The following RSPH14 variants were observed in gnomAD, a reference collection of about 807,000 sequenced individuals.
RSPH14 encodes the protein rhabdoid tumor deletion region gene 1.
A neutral mutation model predicts 26.7 loss-of-function variants in RSPH14; 20 were observed. The observed-to-expected ratio is 0.75, with a 90% CI of 0.53 to 1.09. The LOEUF (loss-of-function observed/expected upper bound fraction) is 1.09. RSPH14 is among the 50% of genes least tolerant of loss of function. The pLI, the probability that RSPH14 is intolerant of heterozygous loss-of-function variation, is 0.00. For synonymous variants in RSPH14, 177 were observed against 189.3 expected, an observed-to-expected ratio of 0.93 and a Z score of 0.53; for missense variants, 449 against 457.2, an observed-to-expected ratio of 0.98 and a Z score of 0.16.
chr22:23,149,673 G>A (rs2070992615), upstream of RSPH14, among the ~76,000 whole-genome samples: 1 of 152,174 alleles, frequency 6.6e-6, no homozygotes, highest in Non-Finnish European at 1.5e-5. Context: ...CAGTATCTAG[G>A]ACCACAGGCA....
At chr22:23,109,687 A>G (rs978320599) in intron 4 of RSPH14, among the ~76,000 whole-genome samples, 4 of 152,210 alleles carry the variant, frequency 2.6e-5, no homozygotes, top group African/African-American at 7.2e-5. Flanking sequence ...CTCCCTCAGC[A>G]TCTCAGATGC....
At chr22:23,163,914 T>C in the RSPH14 span, 1 of 152,242 alleles carries the variant, frequency 6.6e-6, no homozygotes, top group African/African-American at 2.4e-5. Flanking sequence ...CCAGTTTTCA[T>C]GTGGATGGAT....
chr22:23,175,683 G>T, the RSPH14 span, among the ~76,000 whole-genome samples: 1 of 152,210 alleles, frequency 6.6e-6, no homozygotes, highest in Non-Finnish European at 1.5e-5. Flanking sequence ...ACTGCTCATA[G>T]ACAGCTGTGG....
At chr22:23,095,052 A>G (rs890227539) in intron 4 of RSPH14, among the ~76,000 whole-genome samples, 1 of 152,214 alleles carries the variant, frequency 6.6e-6, no homozygotes, top group Non-Finnish European at 1.5e-5. Flanking sequence ...TGTCCAGGCA[A>G]CAGCAGACAT....
At chr22:23,096,469 C>T in intron 4 of RSPH14, 1 of 1,550,234 alleles carries the variant, frequency 6.5e-7, no homozygotes, top group East Asian at 2.2e-5. Context: ...TCGTGGGTTC[C>T]TGGAAGCAAG....
At chr22:23,070,215 G>T (rs959778748) in intron 4 of RSPH14, 1 of 150,978 alleles carries the variant, frequency 6.6e-6, no homozygotes, top group Non-Finnish European at 1.5e-5. Context: ...CGCTCGTGGC[G>T]GGGCGGAGGT....
At chr22:23,145,288 T>G, upstream of RSPH14, 5 of 1,037,562 alleles carry the variant, frequency 4.8e-6, no homozygotes, top group Non-Finnish European at 5.4e-6. Flanking sequence ...GTTGTCATGG[T>G]GATCTCCGGC....
chr22:23,077,452 G>A (rs922474855), intron 4 of RSPH14, among the ~76,000 whole-genome samples: 2 of 152,158 alleles, frequency 1.3e-5, no homozygotes, highest in Non-Finnish European at 1.5e-5. Context: ...CTACAAGGCC[G>A]GGAGCCTCCT....
chr22:23,169,413 A>G, the RSPH14 span, among the ~76,000 whole-genome samples: 1 of 152,344 alleles, frequency 6.6e-6, no homozygotes, highest in South Asian at 2.1e-4. Flanking sequence ...CAGCCTCCCA[A>G]GTGGGTGGGG....
Position 23,134,081 on chromosome 22 carries a change from T to C in RSPH14, c.366A>G (p.Pro122=). ...CCTTGTACAGGTTCCCCCGGCAGAC[T>C]GGGCTGGGGTCATTCAGCAGGAAGG... ...ALSFLLNDPS[P]VCRGNLYKAY... is the part of the protein sequence containing the mutation. The change falls in exon 4 of 7, where the codon CCA becomes CCG. Residue 122 remains proline, a synonymous_variant. Transcript: ENST00000216036. 1 of 1,613,704 alleles carries C rather than the reference T, an allele frequency of 6.2e-7. No individual in the cohort carries two copies. The highest frequency in any genetic ancestry group is 1.1e-5 in the South Asian group (1 of 91,068).
chr22:23,081,230 T>C (rs906123443), intron 4 of RSPH14, among the ~76,000 whole-genome samples: 2 of 152,150 alleles, frequency 1.3e-5, no homozygotes, highest in African/African-American at 4.8e-5. Flanking sequence ...ACCTCACTTG[T>C]GTTGGAAAAA....
At chr22:23,142,487 G>A (rs1275097775), upstream of RSPH14, among the ~76,000 whole-genome samples, 1 of 152,160 alleles carries the variant, frequency 6.6e-6, no homozygotes, top group East Asian at 1.9e-4. Flanking sequence ...ATAGGCGGCC[G>A]CCATCACACC....
At chr22:23,115,954 G>A (rs1297056581) in intron 4 of RSPH14, among the ~76,000 whole-genome samples, 1 of 152,236 alleles carries the variant, frequency 6.6e-6, no homozygotes, top group African/African-American at 2.4e-5. Flanking sequence ...AGGCAGTGCG[G>A]TTGGCTGAGG....
chr22:23,146,662 C>G, upstream of RSPH14: 5 of 1,613,980 alleles, frequency 3.1e-6, no homozygotes, highest in Non-Finnish European at 4.2e-6. Flanking sequence ...GAGCCGCGAC[C>G]GTGTCATCGC....
At chr22:23,067,034 T>G (rs549005381) in intron 4 of RSPH14, among the ~76,000 whole-genome samples, 66 of 152,110 alleles carry the variant, frequency 4.3e-4, no homozygotes, top group African/African-American at 1.6e-3. Flanking sequence ...CTCATGGATG[T>G]GGAGGAGAGC....
intron 4 of RSPH14, among the ~76,000 whole-genome samples, chr22:23,112,711 G>A (rs1007556721): frequency 8.5e-5 from 13 of 152,178 alleles, no homozygotes; most frequent in Non-Finnish European, 1.8e-4. Flanking sequence ...ATGCAGCTGC[G>A]ACCTGTAGAC....
At chr22:23,088,437 C>T (rs1313277544) in intron 4 of RSPH14, among the ~76,000 whole-genome samples, 2 of 152,190 alleles carry the variant, frequency 1.3e-5, no homozygotes, top group African/African-American at 4.8e-5. Context: ...CTGCTGGGTG[C>T]CAAGGTGGAG....
chr22:23,170,012 G>A, the RSPH14 span, among the ~76,000 whole-genome samples: 1 of 151,292 alleles, frequency 6.6e-6, no homozygotes, highest in Non-Finnish European at 1.5e-5. Context: ...TGGAAGGATC[G>A]CTTGGGCCCA....
At chr22:23,094,718 T>A (rs2069075023) in intron 4 of RSPH14, among the ~76,000 whole-genome samples, 1 of 152,214 alleles carries the variant, frequency 6.6e-6, no homozygotes, top group South Asian at 2.1e-4. Flanking sequence ...CAGAGTGCCC[T>A]CAAGGGAAAG....
Sources: allele counts gnomAD v4.1 joint callset (sites outside exome capture counted in the v4.1 genomes callset), GRCh38; gene constraint gnomAD v4.1.1; transcripts MANE v1.5; gene names NCBI Gene and HGNC (gene_info 2026-07-23, HGNC 2026-07-21).